Variants in PDE10A observed in about 807,000 individuals in gnomAD.
PDE10A encodes cAMP and cAMP-inhibited cGMP 3',5'-cyclic phosphodiesterase 10A.
In PDE10A, 39 loss-of-function variants were observed where a neutral mutation model predicts 97.7. The ratio of observed to expected loss-of-function variants is 0.40; its 90% confidence interval spans 0.31 to 0.52. The LOEUF is 0.52. Ranked by LOEUF, PDE10A falls within the 20% of genes least tolerant of loss-of-function variation. PDE10A has a pLI of 0.56. For missense variants in PDE10A, 731 were observed against 1,047.8 expected (o/e 0.70, Z 4.17); for synonymous variants, 371 against 376.8 (o/e 0.98, Z 0.18).
Position 165,936,115 on chromosome 6 carries a change from T to G in PDE10A, c.-615+51414A>C, listed in dbSNP as rs188500477. ...TTTAATAATGAGGGAAAGAAGCAGATGGGTCAGGGAGTGGGGAAGAGCAGG... is the reference window on the plus strand; with the variant it reads ...TTTAATAATGAGGGAAAGAAGCAGAGGGGTCAGGGAGTGGGGAAGAGCAGG... On this transcript the variant is annotated intron_variant, in intron 1 of 19. Transcript: ENST00000366882. Among the ~76,000 whole-genome samples the G allele has an allele frequency of 5.9e-5, 9 of 152,180 alleles. No individual in the cohort carries two copies. The East Asian group carries it at 1.7e-3, about 29-fold the overall frequency.
At chr6:165,938,801 AT>A (rs1783422957) in intron 1 of PDE10A, among the ~76,000 whole-genome samples, 1 of 152,190 alleles carries the variant, frequency 6.6e-6, no homozygotes, top group African/African-American at 2.4e-5. Flanking sequence ...AACCAGGTCG[AT>A]GACCTTAATA....
At chr6:165,676,286 C>T (rs1167333994) in intron 1 of PDE10A, among the ~76,000 whole-genome samples, 2 of 152,184 alleles carry the variant, frequency 1.3e-5, no homozygotes, top group Non-Finnish European at 2.9e-5. Flanking sequence ...GTACAATATA[C>T]ACGATTTGGG....
chr6:165,431,521 T>C (rs1789560602), intron 7 of PDE10A, 49 bp from the exon 8 acceptor site: 6 of 814,604 alleles, frequency 7.4e-6, no homozygotes, highest in Admixed American at 4.0e-5. Context: ...ACATAACGTA[T>C]ATATATATAC....
At chr6:165,937,696 A>G (rs533117548) in intron 1 of PDE10A, among the ~76,000 whole-genome samples, 2 of 152,342 alleles carry the variant, frequency 1.3e-5, no homozygotes, top group South Asian at 4.1e-4. Context: ...CACTAGAGAA[A>G]AACAGGCTGA....
chr6:165,676,810 G>A (rs1291048498), intron 1 of PDE10A, among the ~76,000 whole-genome samples: 7 of 152,190 alleles, frequency 4.6e-5, no homozygotes, highest in South Asian at 2.1e-4. Flanking sequence ...GCGGAGTGCC[G>A]TGGGACTGGC....
intron 1 of PDE10A, among the ~76,000 whole-genome samples, chr6:165,727,890 T>C (rs948960447): frequency 2.6e-5 from 4 of 152,254 alleles, no homozygotes; most frequent in African/African-American, 9.6e-5. Flanking sequence ...TTTGTAAGTT[T>C]GCAAAAGTGA....
intron 1 of PDE10A, among the ~76,000 whole-genome samples, chr6:165,954,156 G>A (rs533864725): frequency 5.3e-5 from 8 of 152,270 alleles, no homozygotes; most frequent in Non-Finnish European, 8.8e-5. Context: ...TTACCTAACC[G>A]AGGGTATCCT....
At chr6:165,846,380 C>T (rs1472282090) in intron 1 of PDE10A, among the ~76,000 whole-genome samples, 1 of 152,190 alleles carries the variant, frequency 6.6e-6, no homozygotes, top group Non-Finnish European at 1.5e-5. Context: ...GTTGTGTCAC[C>T]GAGGAAATTG....
chr6:165,559,731 G>A (rs1239996888), intron 1 of PDE10A, among the ~76,000 whole-genome samples: 1 of 152,124 alleles, frequency 6.6e-6, no homozygotes, highest in East Asian at 1.9e-4. Flanking sequence ...CCCACGTGTT[G>A]CGGGAGGGAC....
intron 1 of PDE10A, among the ~76,000 whole-genome samples, chr6:165,909,846 C>T (rs965091809): frequency 3.3e-5 from 5 of 152,108 alleles, no homozygotes; most frequent in African/African-American, 1.2e-4. Context: ...CCTACCACCC[C>T]AACTCCTTGC....
At chr6:165,583,911 G>A (rs918211045) in intron 1 of PDE10A, among the ~76,000 whole-genome samples, 25 of 152,184 alleles carry the variant, frequency 1.6e-4, no homozygotes, top group South Asian at 8.3e-4. Context: ...TGCTCTGCTC[G>A]TCCTTAGCTT....
At chr6:165,420,021 ACG>A (rs1423454418) in intron 10 of PDE10A, among the ~76,000 whole-genome samples, 5 of 152,214 alleles carry the variant, frequency 3.3e-5, no homozygotes, top group African/African-American at 1.2e-4. Flanking sequence ...TGTGCCCACT[ACG>A]CAGGGACTGA....
intron 1 of PDE10A, among the ~76,000 whole-genome samples, chr6:165,882,913 A>T (rs1357401950): frequency 6.6e-6 from 1 of 152,186 alleles, no homozygotes; most frequent in Non-Finnish European, 1.5e-5. Context: ...AGAAGAAAAG[A>T]AAACTCACCT....
intron 1 of PDE10A, among the ~76,000 whole-genome samples, chr6:165,884,953 G>C (rs941175363): frequency 6.6e-6 from 1 of 152,318 alleles, no homozygotes; most frequent in East Asian, 1.9e-4. Context: ...TAATTGCAAG[G>C]CTGTGTCGTC....
intron 5 of PDE10A, among the ~76,000 whole-genome samples, chr6:165,443,748 T>C (rs1790644207): frequency 6.6e-6 from 1 of 152,218 alleles, no homozygotes; most frequent in African/African-American, 2.4e-5. Flanking sequence ...TCCCACACTC[T>C]TGCCTTCTGT....
At chr6:165,742,363 G>T (rs1792746988) in intron 1 of PDE10A, among the ~76,000 whole-genome samples, 1 of 152,076 alleles carries the variant, frequency 6.6e-6, no homozygotes, top group Non-Finnish European at 1.5e-5. Flanking sequence ...CATTACATAG[G>T]CAATCATACA....
intron 18 of PDE10A, among the ~76,000 whole-genome samples, chr6:165,367,066 C>A (rs1454695148): frequency 1.3e-5 from 2 of 151,900 alleles, no homozygotes; most frequent in Non-Finnish European, 1.5e-5. Flanking sequence ...AAAATTCAGA[C>A]AACAATCTCT....
chr6:165,807,157 A>AT (rs1005588524), intron 1 of PDE10A, among the ~76,000 whole-genome samples: 82 of 152,036 alleles, frequency 5.4e-4, no homozygotes, highest in African/African-American at 2.0e-3. Flanking sequence ...TGGACTACTA[A>AT]TTTTTTAACT....
intron 1 of PDE10A, among the ~76,000 whole-genome samples, chr6:165,912,612 G>T (rs978481370): frequency 1.3e-5 from 2 of 152,224 alleles, no homozygotes; most frequent in Admixed American, 1.3e-4. Context: ...TCGTGAGACT[G>T]CTGTGATGTG....
Sources: allele counts gnomAD v4.1 joint callset (sites outside exome capture counted in the v4.1 genomes callset), GRCh38; gene constraint gnomAD v4.1.1; transcripts MANE v1.5; gene names NCBI Gene and HGNC (gene_info 2026-07-23, HGNC 2026-07-21).